Variants in CUX1 observed in about 807,000 individuals in gnomAD.
The protein encoded by CUX1 is protein CASP.
Under a neutral mutation model 158.8 loss-of-function variants are expected in CUX1, and 31 were observed. The observed-to-expected ratio is 0.20, with a 90% confidence interval of 0.15 to 0.26. The LOEUF (loss-of-function observed/expected upper bound fraction) is 0.26. CUX1 is among the 10% of genes least tolerant of loss of function. CUX1 has a pLI of 1.00. For missense variants in CUX1, 1,589 were observed against 2,014.6 expected, an observed-to-expected ratio of 0.79 and a Z score of 4.04; for synonymous variants, 879 against 862.1, an observed-to-expected ratio of 1.02 and a Z score of -0.34.
At chr7:102,028,177 C>T in intron 3 of CUX1, 32 bp downstream of exon 3, 1 of 1,611,206 alleles carries the variant, frequency 6.2e-7, no homozygotes, top group Non-Finnish European at 8.5e-7. Flanking sequence ...CTATCCTGAG[C>T]CACCCTTCGT....
At chr7:102,271,768 G>C (rs138994242) in intron 14 of CUX1, among the ~76,000 whole-genome samples, 2 of 152,228 alleles carry the variant, frequency 1.3e-5, no homozygotes, top group Non-Finnish European at 2.9e-5. Flanking sequence ...GGTGGCTCAC[G>C]CCTGTAATCC....
intron 8 of CUX1, among the ~76,000 whole-genome samples, chr7:102,148,906 G>A (rs1009324262): frequency 6.6e-6 from 1 of 151,042 alleles, no homozygotes; most frequent in African/African-American, 2.4e-5. Flanking sequence ...TCCCACTTAC[G>A]AGTGAGAACA....
In CUX1 at chr7:102,254,481, G is replaced by A; in HGVS notation, c.*5439G>A. On this transcript the variant is annotated 3_prime_UTR_variant, in exon 24 of 24. Coordinates refer to ENST00000292535, the MANE Select transcript of CUX1 (RefSeq NM_181552.4). ...GTGGCATCACCCTCTTATCCCAAAA[G>A]AATATGCCAGTTCCCATCCAGCACC... The A allele has an allele frequency of 1.0e-6, 1 of 985,474 alleles. No individual in the cohort carries two copies. The highest frequency in any genetic ancestry group is 1.2e-6 in the Non-Finnish European group (1 of 829,958). The allele number at this position is 985,474 out of a possible 1,614,324, so 61.0% of individuals were successfully genotyped here.
intron 1 of CUX1, among the ~76,000 whole-genome samples, chr7:101,900,104 G>A (rs756686581): frequency 6.6e-6 from 1 of 152,150 alleles, no homozygotes; most frequent in African/African-American, 2.4e-5. Flanking sequence ...CTGTTCCAGC[G>A]CCCAGAATGG....
At chr7:102,078,575 T>C (rs388781) in intron 4 of CUX1, among the ~76,000 whole-genome samples, 72,719 of 152,052 alleles carry the variant, frequency 0.48, 20,171 homozygotes, top group African/African-American at 0.77. Flanking sequence ...ACCCTTCAAA[T>C]ATAAAGGCAG....
chr7:101,902,818 G>T (rs1562985046), intron 1 of CUX1, among the ~76,000 whole-genome samples: 1 of 152,120 alleles, frequency 6.6e-6, no homozygotes, highest in Non-Finnish European at 1.5e-5. Context: ...TAAGAGATGG[G>T]GTCTTGCTGT....
chr7:102,234,015 G>A (rs574217483), intron 21 of CUX1, 37 bp from the exon 22 acceptor site: 29 of 1,414,302 alleles, frequency 2.1e-5, no homozygotes, highest in East Asian at 1.6e-4. Context: ...CCTGGCTCTC[G>A]GTGACAATAC....
At chr7:101,871,247 G>A (rs993410244) in intron 1 of CUX1, among the ~76,000 whole-genome samples, 1 of 151,698 alleles carries the variant, frequency 6.6e-6, no homozygotes, top group African/African-American at 2.4e-5. Flanking sequence ...CTGCTTAACT[G>A]AATTTGGTCC....
chr7:101,828,372 G>A (rs891793519), intron 1 of CUX1, among the ~76,000 whole-genome samples: 1 of 152,068 alleles, frequency 6.6e-6, no homozygotes, highest in Non-Finnish European at 1.5e-5. Context: ...ATGTATAATT[G>A]TACCTGTGGC....
rs782040276 is a variant in CUX1, at chr7:102,201,827, G to A, written c.2530G>A (p.Glu844Lys). 27 of 1,613,050 alleles carry A rather than the reference G, an allele frequency of 1.7e-5. No homozygotes were observed. The highest frequency in any genetic ancestry group is 2.2e-5 in the East Asian group (1 of 44,888). The change falls in exon 18 of 24, where the codon GAA (glutamate) becomes AAA (lysine). Residue 844 changes from glutamate to lysine, a missense_variant. Physicochemically the swap from Glu to Lys is moderately conservative, Grantham distance 56 (BLOSUM62 1). Transcript: ENST00000292535. This position sits in a 1 kb window ranked among gnomAD's most constrained non-coding sequence, Gnocchi z 5.0. ...CGCCTCCTCCGAGGAGGCCAAGGCC[G>A]AAGAAACGGGCGGCGGGAAAGAGAA... ...NAASSEEAKA[E>K]ETGGGKEKGS...
At chr7:102,266,812 G>C (rs1176166919) in intron 14 of CUX1, among the ~76,000 whole-genome samples, 1 of 152,228 alleles carries the variant, frequency 6.6e-6, no homozygotes, top group Non-Finnish European at 1.5e-5. Context: ...AGGACAGTCA[G>C]CGTGAGGGGT....
chr7:101,821,663 TC>T (rs1792568432), intron 1 of CUX1, among the ~76,000 whole-genome samples: 3 of 124,920 alleles, frequency 2.4e-5, no homozygotes, highest in Admixed American at 8.7e-5. Context: ...TTTCTTTTTT[TC>T]TTTTTTCTTT....
At chr7:101,842,855 G>A (rs1163115367) in intron 1 of CUX1, among the ~76,000 whole-genome samples, 2 of 143,278 alleles carry the variant, frequency 1.4e-5, no homozygotes, top group African/African-American at 2.6e-5. Context: ...TATTCGTTTT[G>A]ACATTAAAAT....
At chr7:101,933,314 G>A (rs1474849331) in intron 2 of CUX1, among the ~76,000 whole-genome samples, 13 of 151,642 alleles carry the variant, frequency 8.6e-5, no homozygotes, top group African/African-American at 2.9e-4. Context: ...GGATTTGGAG[G>A]AGTTTAAAAA....
chr7:101,901,679 G>A (rs763229934), intron 1 of CUX1, among the ~76,000 whole-genome samples: 1 of 152,178 alleles, frequency 6.6e-6, no homozygotes, highest in Non-Finnish European at 1.5e-5. Context: ...CCCCCAAAGC[G>A]TATATGTCCC....
At chr7:102,164,385 A>G (rs1388704929) in intron 9 of CUX1, among the ~76,000 whole-genome samples, 1 of 152,232 alleles carries the variant, frequency 6.6e-6, no homozygotes, top group Non-Finnish European at 1.5e-5. Context: ...AAAAAGATGT[A>G]TTGAATGAAT....
rs1554520011 is a variant in CUX1, at chr7:102,202,090, C to G, written c.2793C>G (p.Thr931=). The G allele has an allele frequency of 6.2e-7, 1 of 1,614,030 alleles. No homozygotes were observed. The highest frequency in any genetic ancestry group is 8.5e-7 in the Non-Finnish European group (1 of 1,180,034). The change falls in exon 18 of 24, where the codon ACC becomes ACG. Residue 931 remains threonine (T), a synonymous_variant. Transcript: ENST00000292535. The stretch of plus-strand genomic sequence containing the variant: ...CCAAGCCCTCGGTCCCCCCGCTGAC[C>G]CCCGAGCAGTACGAGGTCTACATGT... ...KPTKPSVPPL[T]PEQYEVYMYQ... is the part of the protein sequence containing the mutation.
chr7:101,817,042 C>T (rs1430582786), upstream of CUX1: 2 of 984,388 alleles, frequency 2.0e-6, no homozygotes, highest in African/African-American at 3.5e-5. This position sits in a 1 kb window ranked among gnomAD's most constrained non-coding sequence, Gnocchi z 4.1. Flanking sequence ...CGGACCCCCG[C>T]GGGGGCTCTT....
chr7:102,252,373 C>T lies in CUX1; in HGVS notation c.*3331C>T, dbSNP rs1801610056. On this transcript the variant is annotated 3_prime_UTR_variant, in exon 24 of 24. Transcript: ENST00000292535. ...CAGGCTGGCATTCCAAGCAGTGGCCCCCGCAGGCAGCCGACCCCCTTCCTC... is the reference window on the plus strand; with the variant it reads ...CAGGCTGGCATTCCAAGCAGTGGCCTCCGCAGGCAGCCGACCCCCTTCCTC... 4 of 985,094 alleles carry T rather than the reference C, an allele frequency of 4.1e-6. No homozygotes were observed. The African/African-American group carries it at 7.0e-5, about 17-fold the overall frequency. 61.0% of individuals were successfully genotyped at this position (985,094 alleles called of 1,614,324 possible). A position where few individuals can be genotyped will look rare whatever the true frequency, so the allele number is the denominator to read the frequency against.
Sources: allele counts gnomAD v4.1 joint callset (sites outside exome capture counted in the v4.1 genomes callset), GRCh38; gene constraint gnomAD v4.1.1; non-coding constraint Gnocchi (gnomAD v3.1); transcripts MANE v1.5; gene names NCBI Gene and HGNC (gene_info 2026-07-23, HGNC 2026-07-21).